Variants in FAT3 observed in about 807,000 individuals in gnomAD.
The protein encoded by FAT3 is FAT atypical cadherin 3.
Under a neutral mutation model 310.2 loss-of-function variants are expected in FAT3, and 95 were observed. That is an observed-to-expected ratio of 0.31 (90% CI 0.26 to 0.36). The LOEUF is 0.36. FAT3 is among the 10% of genes least tolerant of loss of function. FAT3 has a pLI of 1.00. For missense variants in FAT3, 5,408 were observed against 5,715.6 expected (o/e 0.95, Z 1.74); for synonymous variants, 2,314 against 2,192.9 (o/e 1.06, Z -1.54).
intron 3 of FAT3, among the ~76,000 whole-genome samples, chr11:92,556,105 T>C (rs1170084983): frequency 6.6e-6 from 1 of 152,218 alleles, no homozygotes; most frequent in African/African-American, 2.4e-5. Context: ...GCTATGATGA[T>C]TGTTTTATGA....
chr11:92,597,258 T>G lies in FAT3; in HGVS notation c.3607+72310T>G, dbSNP rs766330694. 6.0e-4 allele frequency among the ~76,000 whole-genome samples: 92 copies of G among 152,350 alleles called. 1 individual carries two copies. The highest frequency in any genetic ancestry group is 3.4e-3 in the Middle Eastern group (1 of 294). On this transcript the variant is annotated intron_variant, in intron 3 of 27. Coordinates refer to ENST00000525166, the MANE Select transcript of FAT3 (RefSeq NM_001367949.2). ...AAGTAAATGAGTACTCCTACCTTGT[T>G]TTTTGGCCAACATTTTTTGTGTACC...
At chr11:92,641,811 T>A (rs1565480566) in intron 3 of FAT3, among the ~76,000 whole-genome samples, 1 of 152,274 alleles carries the variant, frequency 6.6e-6, no homozygotes, top group Non-Finnish European at 1.5e-5. Context: ...ATTTTGTCAC[T>A]TTATCATTTA....
chr11:92,302,115 A>G (rs551292839), intron 1 of FAT3, among the ~76,000 whole-genome samples: 2 of 152,280 alleles, frequency 1.3e-5, no homozygotes, highest in East Asian at 1.9e-4. Flanking sequence ...TGGTTATGGT[A>G]TATGACCTAC....
chr11:92,662,639 G>T (rs1011424017), intron 3 of FAT3, among the ~76,000 whole-genome samples: 1 of 152,138 alleles, frequency 6.6e-6, no homozygotes, highest in Non-Finnish European at 1.5e-5. Flanking sequence ...CCCTCTTCTT[G>T]TGTTCTGTTC....
chr11:92,567,763 A>T (rs1433353439), intron 3 of FAT3, among the ~76,000 whole-genome samples: 2 of 152,158 alleles, frequency 1.3e-5, no homozygotes, highest in Non-Finnish European at 2.9e-5. Flanking sequence ...GGAAATCATC[A>T]TTCTCAGTAA....
At chr11:92,794,644 T>C (rs773960270) in intron 9 of FAT3, among the ~76,000 whole-genome samples, 1 of 152,218 alleles carries the variant, frequency 6.6e-6, no homozygotes, top group Non-Finnish European at 1.5e-5. Flanking sequence ...AGTCGTTTCT[T>C]TAACTGACTA....
chr11:92,801,068 C>A lies in FAT3; in HGVS notation c.8055C>A (p.Ile2685=). 6.2e-7 allele frequency: 1 copy of A among 1,613,820 alleles called. No individual in the cohort carries two copies. Among genetic ancestry groups the A allele is most frequent in the South Asian group, 1.1e-5 (1 of 91,054 alleles). Residue 2685 remains isoleucine, a synonymous_variant, in exon 10 of 28, where the codon ATC becomes ATA. Coordinates refer to ENST00000525166, the MANE Select transcript of FAT3 (RefSeq NM_001367949.2). ...TTGTCAAAGCAGTAGATGGGGGCAT[C>A]CCAGTAAAGCACTCCCTCATTCCTG... is the stretch of plus-strand genomic sequence containing the variant. ...SFFVKAVDGG[I]PVKHSLIPVY... is the part of the protein sequence containing the mutation.
chr11:92,710,023 G>A (rs1944472566), intron 4 of FAT3, among the ~76,000 whole-genome samples: 2 of 152,106 alleles, frequency 1.3e-5, no homozygotes, highest in East Asian at 3.8e-4. Context: ...TAGATGTAGG[G>A]CTAAGCTCCA....
intron 3 of FAT3, among the ~76,000 whole-genome samples, chr11:92,528,443 T>G (rs755893560): frequency 4.6e-5 from 7 of 152,230 alleles, no homozygotes; most frequent in Non-Finnish European, 1.0e-4. Flanking sequence ...CTGGAGTGCA[T>G]TGGCACGATC....
At chr11:92,284,204 T>C (rs1028724186) in intron 1 of FAT3, among the ~76,000 whole-genome samples, 2 of 151,562 alleles carry the variant, frequency 1.3e-5, no homozygotes, top group African/African-American at 4.9e-5. Flanking sequence ...GTTGGACACA[T>C]AGAAAAGGGA....
Position 92,327,782 on chromosome 11 carries a change from T to G in FAT3, c.-17-24314T>G, listed in dbSNP as rs1230267664. Among the ~76,000 whole-genome samples, 9 of 152,188 alleles carry G rather than the reference T, an allele frequency of 5.9e-5. No individual in the cohort carries two copies. The East Asian group carries it at 1.7e-3, about 29-fold the overall frequency. On this transcript the variant is annotated intron_variant, in intron 1 of 27. Transcript: ENST00000525166. ...AGGAAGTCACTTAACCCAAGAGAGT[T>G]CTCACCAATAAAACAAGGGGGATAG...
intron 13 of FAT3, among the ~76,000 whole-genome samples, chr11:92,818,576 C>A (rs1947882904): frequency 6.6e-6 from 1 of 152,178 alleles, no homozygotes; most frequent in Admixed American, 6.5e-5. Flanking sequence ...ACAGGGATAT[C>A]CCCAAATGTA....
At chr11:92,297,967 C>G (rs1946894511) in intron 1 of FAT3, among the ~76,000 whole-genome samples, 1 of 152,068 alleles carries the variant, frequency 6.6e-6, no homozygotes. Context: ...CATAATAAAC[C>G]AGCATTGGCC....
chr11:92,330,827 G>C (rs1279670954), intron 1 of FAT3, among the ~76,000 whole-genome samples: 3 of 152,054 alleles, frequency 2.0e-5, no homozygotes, highest in South Asian at 2.1e-4. Context: ...GGAAGGAAAG[G>C]CTTTAAATAT....
intron 3 of FAT3, among the ~76,000 whole-genome samples, chr11:92,529,091 A>G (rs1953975946): frequency 6.6e-6 from 1 of 152,378 alleles, no homozygotes; most frequent in Non-Finnish European, 1.5e-5. Flanking sequence ...GGTGGGAGAC[A>G]TAACAGAAAT....
intron 2 of FAT3, among the ~76,000 whole-genome samples, chr11:92,402,290 C>A (rs1188377350): frequency 6.6e-6 from 1 of 152,010 alleles, no homozygotes; most frequent in East Asian, 1.9e-4. Context: ...CCTTCCAAAA[C>A]TGAAATGTAA....
At chr11:92,583,194 A>T (rs11020019) in intron 3 of FAT3, among the ~76,000 whole-genome samples, 6,898 of 152,108 alleles carry the variant, frequency 0.045, 342 homozygotes, top group East Asian at 0.12. Flanking sequence ...CATTACACAG[A>T]CCTTTCCCAT....
intron 1 of FAT3, among the ~76,000 whole-genome samples, chr11:92,249,305 T>C (rs757649056): frequency 1.9e-4 from 29 of 152,156 alleles, no homozygotes; most frequent in Middle Eastern, 3.4e-3. Context: ...CCTGTGTTTG[T>C]GTGTACAGAC....
intron 16 of FAT3, 68 bp downstream of exon 16, chr11:92,836,771 C>T (rs1948420192): frequency 6.4e-7 from 1 of 1,554,610 alleles, no homozygotes; most frequent in South Asian, 1.2e-5. Context: ...GGGGCACAAG[C>T]TCCACGGGTG....
Sources: gnomAD v4.1 joint callset for allele counts (sites outside exome capture counted in the v4.1 genomes callset) on GRCh38, gnomAD v4.1.1 for gene constraint, MANE v1.5 for transcripts, NCBI Gene and HGNC (gene_info 2026-07-23, HGNC 2026-07-21) for gene names.